STUM: variants seen among roughly 807,000 people sequenced by gnomAD.
The protein encoded by STUM is protein stum homolog.
Under a neutral mutation model 15.3 loss-of-function variants are expected in STUM, and 8 were observed. The observed-to-expected ratio is 0.52, with a 90% confidence interval of 0.31 to 0.94. STUM has a LOEUF of 0.94. STUM is among the 40% of genes least tolerant of loss of function. The pLI is 0.05. For synonymous variants in STUM, 78 were observed against 88.7 expected, an observed-to-expected ratio of 0.88 and a Z score of 0.68; for missense variants, 142 against 204.9, an observed-to-expected ratio of 0.69 and a Z score of 1.87.
Position 226,552,468 on chromosome 1 carries a change from G to A in STUM, c.202+3362G>A, listed in dbSNP as rs1321815025. On this transcript the variant is annotated intron_variant, in intron 1 of 3. Transcript: ENST00000366788. The surrounding 1 kb of genome is among the most constrained non-coding windows in gnomAD (Gnocchi z 4.7). ...ACCTGTAATGAAAGTTCATTGTTAT[G>A]CCCCAACATGGCCAGAGAGTTTGTC... is the stretch of plus-strand genomic sequence containing the variant. Among the ~76,000 whole-genome samples the A allele has an allele frequency of 6.6e-6, 1 of 152,116 alleles. No individual in the cohort carries two copies. Among genetic ancestry groups the A allele is most frequent in the Non-Finnish European group, 1.5e-5 (1 of 68,032 alleles).
intron 1 of STUM, among the ~76,000 whole-genome samples, chr1:226,577,651 C>T (rs753509566): frequency 2.6e-5 from 4 of 152,156 alleles, no homozygotes; most frequent in Non-Finnish European, 5.9e-5. Flanking sequence ...GGCCCCAGGG[C>T]CATTGTCTTC....
chr1:226,576,111 G>C (rs1376120317), intron 1 of STUM, among the ~76,000 whole-genome samples: 1 of 152,254 alleles, frequency 6.6e-6, no homozygotes, highest in African/African-American at 2.4e-5. Flanking sequence ...CAGTAATCAG[G>C]TGGGGACCAC....
intron 2 of STUM, 141 bp downstream of exon 2, chr1:226,597,122 C>A (rs1668195195): frequency 2.5e-6 from 2 of 816,070 alleles, no homozygotes; most frequent in Admixed American, 4.3e-5. Context: ...GTGTCCTCTT[C>A]ACAACTCCCT....
intron 1 of STUM, among the ~76,000 whole-genome samples, chr1:226,559,889 C>T (rs1309109474): frequency 1.3e-5 from 2 of 151,700 alleles, no homozygotes; most frequent in African/African-American, 2.4e-5. Flanking sequence ...AGGAGAATGG[C>T]GTGAACCCGG....
At chr1:226,560,630 G>A (rs370499959) in intron 1 of STUM, among the ~76,000 whole-genome samples, 21 of 152,272 alleles carry the variant, frequency 1.4e-4, no homozygotes, top group South Asian at 8.3e-4. Flanking sequence ...GATAAGTTGT[G>A]GCCCTGGTTG....
rs1052560222 is a variant in STUM at position 226,548,824 on chromosome 1, C to G, written c.-81C>G. 13 of 1,146,410 alleles carry G rather than the reference C, an allele frequency of 1.1e-5. No homozygotes were observed. Among genetic ancestry groups the G allele is most frequent in the Non-Finnish European group, 1.3e-5 (12 of 910,314 alleles). The allele number at this position is 1,146,410 out of a possible 1,614,324, so 71.0% of individuals were successfully genotyped here. A position where few individuals can be genotyped will look rare whatever the true frequency, so the allele number is the denominator to read the frequency against. On this transcript the variant is annotated 5_prime_UTR_variant, in exon 1 of 4. Coordinates refer to ENST00000366788, the MANE Select transcript of STUM (RefSeq NM_001003665.4). ...TGAGCTCGGCGCGGAGCCCGGAGCC[C>G]GCAGCCGACAGTCTCCTGCTCCCGT...
At chr1:226,575,817 C>G (rs973816974) in intron 1 of STUM, among the ~76,000 whole-genome samples, 2 of 152,222 alleles carry the variant, frequency 1.3e-5, no homozygotes, top group African/African-American at 2.4e-5. Flanking sequence ...AGATAGTCAG[C>G]CTTTCACATC....
chr1:226,551,876 T>C (rs971754984), intron 1 of STUM, among the ~76,000 whole-genome samples: 2 of 151,928 alleles, frequency 1.3e-5, no homozygotes, highest in African/African-American at 2.4e-5. Flanking sequence ...CCTGAGGGAG[T>C]AGTGTTAGGT....
At chr1:226,585,772 T>C (rs1159198528) in intron 1 of STUM, among the ~76,000 whole-genome samples, 1 of 152,156 alleles carries the variant, frequency 6.6e-6, no homozygotes, top group Admixed American at 6.5e-5. Flanking sequence ...GCTGAATACA[T>C]GGAAAAATGA....
intron 1 of STUM, among the ~76,000 whole-genome samples, chr1:226,555,530 A>G (rs1667433778): frequency 6.6e-6 from 1 of 152,110 alleles, no homozygotes; most frequent in Non-Finnish European, 1.5e-5. Flanking sequence ...CCCATGCCCA[A>G]TCTGTTAGGA....
rs1429653706 is a variant in STUM, at chr1:226,602,418, AGCAGGG to A, written c.*381_*386del. The A allele has an allele frequency of 9.4e-5, 24 of 254,804 alleles. No homozygotes were observed. Among genetic ancestry groups the A allele is most frequent in the Non-Finnish European group, 1.6e-4 (21 of 130,060 alleles). 15.8% of individuals were successfully genotyped at this position (254,804 alleles called of 1,614,324 possible). A position where few individuals can be genotyped will look rare whatever the true frequency, so the allele number is the denominator to read the frequency against. ...GGCCACACCGGGCCCTGTCTGGGTG[AGCAGGG>A]GCTCACCAAGGGGACAGGACTGTGG... On this transcript the variant is annotated 3_prime_UTR_variant, in exon 4 of 4. Transcript: ENST00000366788.
chr1:226,590,502 C>T (rs1668068575), intron 1 of STUM, among the ~76,000 whole-genome samples: 1 of 152,198 alleles, frequency 6.6e-6, no homozygotes, highest in African/African-American at 2.4e-5. Flanking sequence ...TTGTGGTCTT[C>T]TTTTCCCTTT....
chr1:226,592,226 T>C (rs1477165403), intron 1 of STUM, among the ~76,000 whole-genome samples: 1 of 152,182 alleles, frequency 6.6e-6, no homozygotes, highest in African/African-American at 2.4e-5. Context: ...TTTTGTATTT[T>C]TGGTAGAGAC....
rs1668390870 is a variant in STUM at position 226,608,126 on chromosome 1, G to A, written c.*6086G>A. 1 of 152,304 alleles carries A rather than the reference G, an allele frequency of 6.6e-6. No homozygotes were observed. Among genetic ancestry groups the A allele is most frequent in the Non-Finnish European group, 1.5e-5 (1 of 68,144 alleles). The allele number at this position is 152,304 out of a possible 1,614,324, so 9.4% of individuals were successfully genotyped here. A position where few individuals can be genotyped will look rare whatever the true frequency, so the allele number is the denominator to read the frequency against. Reference sequence around the variant, plus strand: ...GTGAATGGGCTCAGCACCAAACCTGGCTGTGCCCATTCCCCACAACCCCAG... The same window carrying A: ...GTGAATGGGCTCAGCACCAAACCTGACTGTGCCCATTCCCCACAACCCCAG... On this transcript the variant is annotated 3_prime_UTR_variant, in exon 4 of 4. Coordinates refer to ENST00000366788, the MANE Select transcript of STUM (RefSeq NM_001003665.4). The surrounding 1 kb of genome is among the most constrained non-coding windows in gnomAD (Gnocchi z 4.0).
intron 1 of STUM, among the ~76,000 whole-genome samples, chr1:226,550,063 C>T (rs1157008727): frequency 6.6e-6 from 1 of 152,226 alleles, no homozygotes; most frequent in Admixed American, 6.5e-5. Flanking sequence ...CCCGTGCCCG[C>T]CCGAAGAACC....
In STUM at chr1:226,606,489, G is replaced by A. The variant is rs1221566191; in HGVS notation, c.*4449G>A. On this transcript the variant is annotated 3_prime_UTR_variant, in exon 4 of 4. Coordinates refer to ENST00000366788, the MANE Select transcript of STUM (RefSeq NM_001003665.4). ...TAGTGAATTTTGCAAAGAAAGCCCTGAGCATTGCATAAATGCTTGGGGGCG... is the reference window on the plus strand; with the variant it reads ...TAGTGAATTTTGCAAAGAAAGCCCTAAGCATTGCATAAATGCTTGGGGGCG... 2 of 152,206 alleles carry A rather than the reference G, an allele frequency of 1.3e-5. No individual in the cohort carries two copies. Among genetic ancestry groups the A allele is most frequent in the Non-Finnish European group, 2.9e-5 (2 of 68,034 alleles). The allele number at this position is 152,206 out of a possible 1,614,324, so 9.4% of individuals were successfully genotyped here. A position where few individuals can be genotyped will look rare whatever the true frequency, so the allele number is the denominator to read the frequency against.
chr1:226,548,971 CG>C lies in STUM; in HGVS notation c.73del (p.Ala25ArgfsTer71). The C allele has an allele frequency of 3.3e-6, 5 of 1,510,446 alleles. No homozygotes were observed. The highest frequency in any genetic ancestry group is 4.5e-5 in the Admixed American group (2 of 44,308). The allele number at this position is 1,510,446 out of a possible 1,614,324, so 93.6% of individuals were successfully genotyped here. ...GGCGGCGGTGGCGGCGGCGGACCCC[CG>C]GGGGGCGTCCTCGTCCAGCGGGGTG... ...AAAAVAAADP[R>X]GASSSSGVVV... On this transcript the variant is annotated frameshift_variant, in exon 1 of 4. Transcript: ENST00000366788. LOFTEE classifies it high-confidence loss of function.
At chr1:226,587,733 C>T (rs1016264118) in intron 1 of STUM, among the ~76,000 whole-genome samples, 3 of 152,168 alleles carry the variant, frequency 2.0e-5, no homozygotes, top group African/African-American at 7.2e-5. Context: ...CTTCTCTCTG[C>T]TGGGAGACAG....
intron 2 of STUM, among the ~76,000 whole-genome samples, chr1:226,597,910 G>A (rs974379960): frequency 2.6e-5 from 4 of 152,218 alleles, no homozygotes; most frequent in Non-Finnish European, 5.9e-5. Flanking sequence ...GGGGCAGCCA[G>A]AGCAGGGGAA....
Sources: gnomAD v4.1 joint callset for allele counts (sites outside exome capture counted in the v4.1 genomes callset) on GRCh38, gnomAD v4.1.1 for gene constraint, Gnocchi (gnomAD v3.1) non-coding constraint, MANE v1.5 for transcripts, NCBI Gene and HGNC (gene_info 2026-07-23, HGNC 2026-07-21) for gene names.